The following PRUNE1 variants were observed in gnomAD, a reference collection of about 807,000 sequenced individuals.
PRUNE1 encodes prune exopolyphosphatase 1.
A neutral mutation model predicts 42.5 loss-of-function variants in PRUNE1; 25 were observed. That is an observed-to-expected ratio of 0.59 (90% confidence interval 0.43 to 0.82). The LOEUF (loss-of-function observed/expected upper bound fraction) is 0.82. PRUNE1 is among the 40% of genes least tolerant of loss of function. The pLI, the probability that PRUNE1 is intolerant of heterozygous loss-of-function variation, is 0.00. For synonymous variants in PRUNE1, 203 were observed against 217.1 expected (o/e 0.93, Z 0.57); for missense variants, 443 against 539.3 (o/e 0.82, Z 1.77).
chr1:151,010,042 T>C (rs1434577386), intron 1 of PRUNE1, among the ~76,000 whole-genome samples: 1 of 152,206 alleles, frequency 6.6e-6, no homozygotes, highest in African/African-American at 2.4e-5. Flanking sequence ...CTCTCCAGCA[T>C]ATATCCTCCA....
chr1:151,035,293 C>T lies in PRUNE1; in HGVS notation c.*1059C>T, dbSNP rs1186474213. 6.6e-6 allele frequency: 1 copy of T among 152,198 alleles called. No individual in the cohort carries two copies. Among genetic ancestry groups the T allele is most frequent in the Non-Finnish European group, 1.5e-5 (1 of 68,098 alleles). The allele number at this position is 152,198 out of a possible 1,614,324, so 9.4% of individuals were successfully genotyped here. ...TTCTTCTGTTATCCCTGGGGGTGCT[C>T]AGGTTCACTTGATTGTCTGTATTTC... On this transcript the variant is annotated 3_prime_UTR_variant, in exon 8 of 8. Transcript: ENST00000271620.
Position 151,018,471 on chromosome 1 carries a change from CTG to C in PRUNE1, c.138_139del (p.Glu47GlyfsTer2). ...TCTTTTCACTTTCCTATCTAGACAA[CTG>C]AGGCTGAGGAAGTCTTTGTGCCAGT... On this transcript the variant is annotated frameshift_variant, in exon 3 of 8. Transcript: ENST00000271620. LOFTEE classifies it high-confidence loss of function. The C allele has an allele frequency of 6.2e-7, 1 of 1,610,060 alleles. No homozygotes were observed. The highest frequency in any genetic ancestry group is 8.5e-7 in the Non-Finnish European group (1 of 1,176,480).
At chr1:151,025,088 C>G (rs963780245) in intron 4 of PRUNE1, among the ~76,000 whole-genome samples, 33 of 152,108 alleles carry the variant, frequency 2.2e-4, no homozygotes, top group African/African-American at 8.0e-4. Flanking sequence ...GATTCCAATA[C>G]CAATTCCTCC....
At chr1:151,029,656 C>T (rs765501260) in intron 7 of PRUNE1, among the ~76,000 whole-genome samples, 5 of 151,594 alleles carry the variant, frequency 3.3e-5, no homozygotes, top group Admixed American at 6.6e-5. Context: ...CGTGAGCCAC[C>T]GCGCCCAGCC....
chr1:151,031,699 T>C (rs963731382), intron 7 of PRUNE1, among the ~76,000 whole-genome samples: 1 of 152,332 alleles, frequency 6.6e-6, no homozygotes, highest in African/African-American at 2.4e-5. Context: ...GATACCAGTC[T>C]TATTTTGTTC....
chr1:151,020,591 C>T (rs1423140741), intron 3 of PRUNE1, among the ~76,000 whole-genome samples: 1 of 151,954 alleles, frequency 6.6e-6, no homozygotes, highest in Non-Finnish European at 1.5e-5. Context: ...GGTGAGATCC[C>T]ATCTCTACAA....
intron 3 of PRUNE1, among the ~76,000 whole-genome samples, chr1:151,020,505 G>A (rs1486911128): frequency 6.6e-6 from 1 of 151,752 alleles, no homozygotes; most frequent in Non-Finnish European, 1.5e-5. Context: ...GCTCACACCT[G>A]TAAACCCAGC....
At chr1:151,031,554 A>G (rs182633152) in intron 7 of PRUNE1, among the ~76,000 whole-genome samples, 2 of 152,138 alleles carry the variant, frequency 1.3e-5, no homozygotes, top group Admixed American at 6.6e-5. Context: ...GTAGTATAAT[A>G]TATTGATTTA....
intron 2 of PRUNE1, 33 bp from the exon 3 acceptor site, chr1:151,018,434 C>G: frequency 6.4e-7 from 1 of 1,551,470 alleles, no homozygotes; most frequent in East Asian, 2.2e-5. Flanking sequence ...ATTATAAAAC[C>G]TTGTGATACC....
intron 5 of PRUNE1, among the ~76,000 whole-genome samples, chr1:151,026,684 G>T (rs1286352474): frequency 6.6e-6 from 1 of 151,876 alleles, no homozygotes; most frequent in Admixed American, 6.6e-5. Context: ...AAGAAAGAAA[G>T]AAAGAACTCA....
chr1:151,033,195 C>G (rs746577877), intron 7 of PRUNE1, among the ~76,000 whole-genome samples: 2 of 151,644 alleles, frequency 1.3e-5, no homozygotes, highest in Admixed American at 1.3e-4. Context: ...AAGTGATTCT[C>G]CTGCCTCAGC....
intron 2 of PRUNE1, 193 bp from the exon 3 acceptor site, chr1:151,018,274 T>C: frequency 1.3e-6 from 1 of 751,592 alleles, no homozygotes; most frequent in Non-Finnish European, 2.4e-6. Context: ...ATGAGTTACC[T>C]TGTTGACTTT....
chr1:151,024,526 A>T, intron 3 of PRUNE1, 85 bp from the exon 4 acceptor site: 1 of 1,252,614 alleles, frequency 8.0e-7, no homozygotes, highest in Non-Finnish European at 1.1e-6. Context: ...ATTTTCCTTG[A>T]TGTGTGGGGT....
At chr1:151,025,988 G>A (rs1434547624) in intron 5 of PRUNE1, among the ~76,000 whole-genome samples, 2 of 151,910 alleles carry the variant, frequency 1.3e-5, no homozygotes, top group South Asian at 2.1e-4. Flanking sequence ...TGATCTGCCC[G>A]CCTGGGCCTC....
Position 151,025,956 on chromosome 1 carries a change from G to C in PRUNE1, c.679+283G>C, listed in dbSNP as rs371159918. Among the ~76,000 whole-genome samples the C allele has an allele frequency of 2.6e-5, 4 of 151,822 alleles. No individual in the cohort carries two copies. In the East Asian group the frequency reaches 7.8e-4, roughly 30 times the overall value. ...GGGTTTCACCATGTTGACCAGGCTG[G>C]TCTTGAACTCTGAAGCTCAGGTGAT... is the stretch of plus-strand genomic sequence containing the variant. On this transcript the variant is annotated intron_variant, in intron 5 of 7. Coordinates refer to ENST00000271620, the MANE Select transcript of PRUNE1 (RefSeq NM_021222.3).
At chr1:151,013,907 T>A (rs1340997570) in intron 1 of PRUNE1, among the ~76,000 whole-genome samples, 3 of 152,124 alleles carry the variant, frequency 2.0e-5, no homozygotes, top group Non-Finnish European at 4.4e-5. Context: ...TGGGTAGAAT[T>A]CTTACTGCTT....
At chr1:151,017,741 T>G in intron 1 of PRUNE1, 71 bp from the exon 2 acceptor site, 1 of 1,010,740 alleles carries the variant, frequency 9.9e-7, no homozygotes, top group Admixed American at 2.5e-5. Context: ...ATATATATTA[T>G]TTAAAAAAAA....
chr1:151,027,424 A>G (rs1674920768), intron 6 of PRUNE1, 97 bp downstream of exon 6: 2 of 822,556 alleles, frequency 2.4e-6, no homozygotes, highest in Admixed American at 2.1e-5. Context: ...CACCTCCAAA[A>G]TGTATCTTGT....
chr1:151,030,581 C>T (rs1207105644), intron 7 of PRUNE1, among the ~76,000 whole-genome samples: 1 of 152,116 alleles, frequency 6.6e-6, no homozygotes, highest in Admixed American at 6.6e-5. Flanking sequence ...ACCGCCACCT[C>T]CCAGGTTCAG....
Sources: allele counts gnomAD v4.1 joint callset (sites outside exome capture counted in the v4.1 genomes callset), GRCh38; gene constraint gnomAD v4.1.1; transcripts MANE v1.5; gene names NCBI Gene and HGNC (gene_info 2026-07-23, HGNC 2026-07-21).